Variants in PHF8 observed in about 807,000 individuals in gnomAD.
The protein encoded by PHF8 is histone lysine demethylase PHF8.
In PHF8, 9 loss-of-function variants were observed where a neutral mutation model predicts 74.4. The observed-to-expected ratio is 0.12, with a 90% CI of 0.07 to 0.21. PHF8 has a LOEUF of 0.21. Ranked by LOEUF, PHF8 falls within the 10% of genes least tolerant of loss-of-function variation. The pLI is 1.00. For missense variants in PHF8, 478 were observed against 816.6 expected, an observed-to-expected ratio of 0.59 and a Z score of 5.05; for synonymous variants, 311 against 316.6, an observed-to-expected ratio of 0.98 and a Z score of 0.19.
chrX:53,981,592 G>A lies in PHF8; in HGVS notation c.2443+3322C>T, dbSNP rs189844689. On this transcript the variant is annotated intron_variant, in intron 18 of 21. Transcript: ENST00000338154. ...ATCAGATTTTGATTTGATGAAGCTG[G>A]TATCTATTTAACCAAATGCCCTCAA... Among the ~76,000 whole-genome samples the A allele has an allele frequency of 6.6e-4, 74 of 111,600 alleles. 1 individual carries two copies. In the South Asian group the frequency reaches 8.6e-3, roughly 13 times the overall value.
chrX:53,987,241 C>G, intron 15 of PHF8, 78 bp from the exon 16 acceptor site: 5 of 639,724 alleles, frequency 7.8e-6, no homozygotes, highest in Non-Finnish European at 1.0e-5. Context: ...AAAAATAAGA[C>G]TAATTTTCTT....
intron 18 of PHF8, among the ~76,000 whole-genome samples, chrX:53,974,505 C>T (rs782010911): frequency 9.0e-6 from 1 of 111,609 alleles, no homozygotes; most frequent in South Asian, 3.8e-4. Context: ...CATGGTGATT[C>T]CTCAAAGATC....
chrX:53,955,720 G>T (rs781922570), intron 19 of PHF8, among the ~76,000 whole-genome samples: 1 of 109,563 alleles, frequency 9.1e-6, no homozygotes, highest in East Asian at 2.8e-4. Context: ...TGCATCTTTT[G>T]AGTTAAGAAC....
intron 19 of PHF8, among the ~76,000 whole-genome samples, chrX:53,956,556 G>T (rs1289167086): frequency 9.0e-6 from 1 of 111,373 alleles, no homozygotes; most frequent in African/African-American, 3.3e-5. Flanking sequence ...AAATACAAGG[G>T]TGTTAATTAT....
chrX:54,043,096 G>T, intron 1 of PHF8: 11 of 819,838 alleles, frequency 1.3e-5, no homozygotes, highest in Non-Finnish European at 1.7e-5. Context: ...TTCTTTCCGG[G>T]TTTCAAGAAA....
intron 14 of PHF8, among the ~76,000 whole-genome samples, chrX:53,991,370 G>A (rs913668701): frequency 9.0e-6 from 1 of 111,484 alleles, no homozygotes; most frequent in East Asian, 2.8e-4. Flanking sequence ...TTAAAAACTT[G>A]GTATAACAAG....
At position 53,938,034 on chromosome X, in the gene PHF8, A is replaced by G. The variant is rs782094119; in HGVS notation, c.*1124T>C. 4 of 1,165,405 alleles carry G rather than the reference A, an allele frequency of 3.4e-6. No individual in the cohort carries two copies. The highest frequency in any genetic ancestry group is 3.8e-5 in the South Asian group (2 of 52,598). On this transcript the variant is annotated 3_prime_UTR_variant, in exon 22 of 22. Transcript: ENST00000338154. Reference sequence around the variant, plus strand: ...TTGGGCTCGTGAATGGCCTGTCTGCATTCTGCTTGAACGATGACCTGTCGT... The same window carrying G: ...TTGGGCTCGTGAATGGCCTGTCTGCGTTCTGCTTGAACGATGACCTGTCGT...
intron 14 of PHF8, among the ~76,000 whole-genome samples, chrX:53,989,561 G>T (rs1275230225): frequency 4.5e-5 from 5 of 111,100 alleles, no homozygotes; most frequent in Non-Finnish European, 9.4e-5. Context: ...CATGATTGCT[G>T]GTTGAAATGA....
chrX:53,983,343 CA>C (rs1557098598), intron 18 of PHF8, among the ~76,000 whole-genome samples: 1 of 111,098 alleles, frequency 9.0e-6, no homozygotes, highest in East Asian at 2.8e-4. Flanking sequence ...GGAACTCTTA[CA>C]AATCAATAAG....
intron 19 of PHF8, among the ~76,000 whole-genome samples, chrX:53,956,670 A>ATGTGCG (rs1262974710): frequency 3.9e-5 from 4 of 101,610 alleles, no homozygotes; most frequent in African/African-American, 1.5e-4. Flanking sequence ...AGTATAAAAT[A>ATGTGCG]TGTGCGTGTG....
intron 19 of PHF8, among the ~76,000 whole-genome samples, chrX:53,945,015 C>CT (rs1239104379): frequency 4.2e-4 from 46 of 108,859 alleles, no homozygotes; most frequent in African/African-American, 1.4e-3. Context: ...CAGTGAAACT[C>CT]TGTCTCAAAA....
rs782751725 is a variant in PHF8, at chrX:54,042,899, TAG to T, written c.-92-81_-92-80del. 2.1e-5 allele frequency: 15 copies of T among 699,543 alleles called. No homozygotes were observed. The East Asian group carries it at 5.9e-4, about 27-fold the overall frequency. 57.7% of individuals were successfully genotyped at this position (699,543 alleles called of 1,213,427 possible). A position where few individuals can be genotyped will look rare whatever the true frequency, so the allele number is the denominator to read the frequency against. ...CTTGCACCAACCCTCAGTTCTCCAA[TAG>T]AGTTACCGCCGCCGGGATGCAACAC... On this transcript the variant is annotated intron_variant, in intron 1 of 21. Coordinates refer to ENST00000338154, the MANE Select transcript of PHF8 (RefSeq NM_015107.3).
chrX:53,958,075 T>C (rs1237501876), intron 19 of PHF8, among the ~76,000 whole-genome samples: 5 of 107,577 alleles, frequency 4.6e-5, no homozygotes, highest in African/African-American at 1.7e-4. Context: ...GAAGTCTTGC[T>C]CTGTCGCCCA....
At chrX:54,041,458 G>A (rs1557115880) in intron 2 of PHF8, among the ~76,000 whole-genome samples, 1 of 110,158 alleles carries the variant, frequency 9.1e-6, no homozygotes, top group Non-Finnish European at 1.9e-5. Flanking sequence ...CCAGACAACT[G>A]AAAATTCTAG....
intron 16 of PHF8, among the ~76,000 whole-genome samples, chrX:53,986,525 G>C (rs1557099608): frequency 8.9e-6 from 1 of 112,705 alleles, no homozygotes; most frequent in African/African-American, 3.2e-5. Context: ...GAGCCACCAC[G>C]CCCGGCCCAC....
Position 53,939,252 on chromosome X carries a change from G to A in PHF8, c.2987-6C>T, listed in dbSNP as rs2064712324. On this transcript the variant is annotated splice_polypyrimidine_tract_variant and splice_region_variant and intron_variant, in intron 21 of 21. Coordinates refer to ENST00000338154, the MANE Select transcript of PHF8 (RefSeq NM_015107.3). Reference sequence around the variant, plus strand: ...GCCCTTTTTGGGACGCTTTCCTGTGGGGGAAGGGAAAAGTAAGCAAGGGCT... The same window carrying A: ...GCCCTTTTTGGGACGCTTTCCTGTGAGGGAAGGGAAAAGTAAGCAAGGGCT... The A allele has an allele frequency of 8.3e-7, 1 of 1,201,978 alleles. No individual in the cohort carries two copies. The highest frequency in any genetic ancestry group is 1.1e-6 in the Non-Finnish European group (1 of 889,486).
chrX:53,948,155 A>G (rs1461900710), intron 19 of PHF8, among the ~76,000 whole-genome samples: 1 of 112,287 alleles, frequency 8.9e-6, no homozygotes, highest in African/African-American at 3.2e-5. Context: ...AAAAAAACCT[A>G]TAAAAGATAT....
chrX:53,986,712 C>T (rs187050615), intron 16 of PHF8, among the ~76,000 whole-genome samples: 84 of 111,448 alleles, frequency 7.5e-4, no homozygotes, highest in Middle Eastern at 4.6e-3. Context: ...GGCAAAAGAT[C>T]GCTTGAGCCC....
At position 53,938,542 on chromosome X, in the gene PHF8, T is replaced by C. The variant is rs1298653508; in HGVS notation, c.*616A>G. On this transcript the variant is annotated 3_prime_UTR_variant, in exon 22 of 22. Transcript: ENST00000338154. ...TTTTGAAAGGTAAGTGAAGTTGGCA[T>C]TTCTAGGCCACTTCTGGAAATGGCC... 3.2e-5 allele frequency: 24 copies of C among 755,951 alleles called. No individual in the cohort carries two copies. The highest frequency in any genetic ancestry group is 3.6e-5 in the Non-Finnish European group (23 of 640,998). 62.3% of individuals were successfully genotyped at this position (755,951 alleles called of 1,213,427 possible).
Sources: gnomAD v4.1 joint callset for allele counts (sites outside exome capture counted in the v4.1 genomes callset) on GRCh38, gnomAD v4.1.1 for gene constraint, MANE v1.5 for transcripts, NCBI Gene and HGNC (gene_info 2026-07-23, HGNC 2026-07-21) for gene names.